The following SYT1 variants were observed in gnomAD, a reference collection of about 807,000 sequenced individuals.
SYT1 encodes synaptotagmin-1.
In SYT1, 8 loss-of-function variants were observed where a neutral mutation model predicts 44.8. That is an observed-to-expected ratio of 0.18 (90% CI 0.10 to 0.32). The LOEUF (loss-of-function observed/expected upper bound fraction) is 0.32. Ranked by LOEUF, SYT1 falls within the 10% of genes least tolerant of loss-of-function variation. The pLI is 1.00. For synonymous variants in SYT1, 154 were observed against 188.8 expected, an observed-to-expected ratio of 0.82 and a Z score of 1.51; for missense variants, 286 against 509.3, an observed-to-expected ratio of 0.56 and a Z score of 4.22.
chr12:79,195,983 T>C (rs1369149923), intron 3 of SYT1, among the ~76,000 whole-genome samples: 1 of 152,210 alleles, frequency 6.6e-6, no homozygotes, highest in Non-Finnish European at 1.5e-5. Flanking sequence ...AAATTCTCTT[T>C]ATTTCTTCAT....
In SYT1 at chr12:78,911,969, A is replaced by G. The variant is rs73349554; in HGVS notation, c.-217+46860A>G. Among the ~76,000 whole-genome samples the G allele has an allele frequency of 3.2e-3, 493 of 152,150 alleles. 3 individuals are homozygous for G. Among genetic ancestry groups the G allele is most frequent in the African/African-American group, 0.011 (476 of 41,552 alleles). On this transcript the variant is annotated intron_variant, in intron 1 of 10. Coordinates refer to ENST00000261205, the MANE Select transcript of SYT1 (RefSeq NM_005639.3). Reference sequence around the variant, plus strand: ...TATTAATAGAATCATAAAGTCTTCTACAAGGCTCAAAGTCCAACATAATTG... The same window carrying G: ...TATTAATAGAATCATAAAGTCTTCTGCAAGGCTCAAAGTCCAACATAATTG...
intron 2 of SYT1, among the ~76,000 whole-genome samples, chr12:79,041,998 T>G (rs1873618124): frequency 6.6e-6 from 1 of 151,984 alleles, no homozygotes; most frequent in Admixed American, 6.5e-5. Context: ...GTGGATAAGC[T>G]TTTTGATGTG....
intron 9 of SYT1, among the ~76,000 whole-genome samples, chr12:79,418,772 C>G (rs536948982): frequency 6.6e-6 from 1 of 152,116 alleles, no homozygotes; most frequent in Non-Finnish European, 1.5e-5. Context: ...CTCTTCCAAC[C>G]GTGGTAACCA....
intron 1 of SYT1, among the ~76,000 whole-genome samples, chr12:78,946,414 G>T (rs993166402): frequency 1.3e-5 from 2 of 152,154 alleles, no homozygotes; most frequent in East Asian, 1.9e-4. Context: ...CAGCACTTTG[G>T]GATGCCTAGG....
chr12:79,304,295 C>T lies in SYT1; in HGVS notation c.810+4744C>T, dbSNP rs144713744. Among the ~76,000 whole-genome samples the T allele has an allele frequency of 4.4e-3, 666 of 152,126 alleles. 4 individuals carry two copies. The highest frequency in any genetic ancestry group is 0.015 in the African/African-American group (604 of 41,504). On this transcript the variant is annotated intron_variant, in intron 8 of 10. Transcript: ENST00000261205. ...GTGTCCAAACGCCCTTTTTAAAGTC[C>T]GTGTTAATAGTCATTGTGTTCATAT...
chr12:79,351,444 G>C (rs994321951), intron 8 of SYT1, among the ~76,000 whole-genome samples: 5 of 151,514 alleles, frequency 3.3e-5, no homozygotes, highest in Admixed American at 3.3e-4. Flanking sequence ...AGTCATGTCT[G>C]AAATTCCTAA....
At chr12:79,093,159 C>A (rs1877893912) in intron 3 of SYT1, among the ~76,000 whole-genome samples, 1 of 151,604 alleles carries the variant, frequency 6.6e-6, no homozygotes, top group South Asian at 2.1e-4. Flanking sequence ...ATAGGCCTAA[C>A]TTGTTTAATA....
rs371293019 is a variant in SYT1, at chr12:78,955,907, A to G, written c.-216-21892A>G. Among the ~76,000 whole-genome samples, 12 of 150,664 alleles carry G rather than the reference A, an allele frequency of 8.0e-5. No homozygotes were observed. In the East Asian group the frequency reaches 9.8e-4, roughly 12 times the overall value. Reference sequence around the variant, plus strand: ...TGCACTATCAATTGCATTTTCCCCTATCTTTTGAAATTTCAAGTTCAAACT... The same window carrying G: ...TGCACTATCAATTGCATTTTCCCCTGTCTTTTGAAATTTCAAGTTCAAACT... On this transcript the variant is annotated intron_variant, in intron 1 of 10. Coordinates refer to ENST00000261205, the MANE Select transcript of SYT1 (RefSeq NM_005639.3).
At chr12:79,041,059 A>T (rs1352093624) in intron 2 of SYT1, among the ~76,000 whole-genome samples, 2 of 152,134 alleles carry the variant, frequency 1.3e-5, no homozygotes, top group African/African-American at 4.8e-5. Flanking sequence ...AGGTAGTGTG[A>T]TGCCTCCAGC....
At chr12:79,112,747 A>T (rs1879083779) in intron 3 of SYT1, among the ~76,000 whole-genome samples, 1 of 152,128 alleles carries the variant, frequency 6.6e-6, no homozygotes, top group Non-Finnish European at 1.5e-5. Flanking sequence ...TTTTATACTA[A>T]ACAAAATGCT....
At chr12:79,392,779 C>A (rs1311206915) in intron 9 of SYT1, 2 of 142,510 alleles carry the variant, frequency 1.4e-5, no homozygotes, top group African/African-American at 2.5e-5. Flanking sequence ...TTCTGAAGCA[C>A]AACTCTTTAT....
intron 8 of SYT1, among the ~76,000 whole-genome samples, chr12:79,344,589 G>T (rs570722022): frequency 7.9e-5 from 12 of 152,036 alleles, no homozygotes; most frequent in African/African-American, 2.9e-4. Flanking sequence ...AGTAGCTGGG[G>T]CTATAGGCAC....
At chr12:78,962,668 A>T (rs1304641746) in intron 1 of SYT1, among the ~76,000 whole-genome samples, 2 of 152,102 alleles carry the variant, frequency 1.3e-5, no homozygotes, top group African/African-American at 4.8e-5. Context: ...CATTTAAATT[A>T]TGTTTTAATA....
intron 1 of SYT1, among the ~76,000 whole-genome samples, chr12:78,955,741 TTTTTGCCC>T (rs1879176197): frequency 6.6e-6 from 1 of 151,874 alleles, no homozygotes; most frequent in Non-Finnish European, 1.5e-5. Flanking sequence ...GAAACTTTTT[TTTTTGCCC>T]TTAACCTAAC....
At chr12:79,051,516 G>C (rs1006614822) in intron 3 of SYT1, among the ~76,000 whole-genome samples, 51 of 151,240 alleles carry the variant, frequency 3.4e-4, no homozygotes, top group Admixed American at 1.5e-3. Context: ...TGCACATTAA[G>C]TTTTCATGTG....
chr12:78,905,149 C>T (rs529610423), intron 1 of SYT1, among the ~76,000 whole-genome samples: 1 of 152,218 alleles, frequency 6.6e-6, no homozygotes, highest in African/African-American at 2.4e-5. Flanking sequence ...GAAATGTCTT[C>T]CTGTTTTCTG....
chr12:79,114,119 G>A (rs1879156141), intron 3 of SYT1, among the ~76,000 whole-genome samples: 2 of 152,106 alleles, frequency 1.3e-5, no homozygotes, highest in Admixed American at 1.3e-4. Flanking sequence ...AAATACCTTG[G>A]GTTGTGGGAA....
At chr12:79,247,208 G>T (rs1876902458) in intron 4 of SYT1, among the ~76,000 whole-genome samples, 1 of 152,050 alleles carries the variant, frequency 6.6e-6, no homozygotes, top group South Asian at 2.1e-4. Context: ...TTTAGGGAGG[G>T]TATTCAAAAG....
chr12:79,339,286 A>G (rs1184345629), intron 8 of SYT1, among the ~76,000 whole-genome samples: 3 of 152,208 alleles, frequency 2.0e-5, no homozygotes, highest in Admixed American at 1.3e-4. Flanking sequence ...ACTCCCACCA[A>G]CAGTGTAAAA....
Sources: allele counts gnomAD v4.1 joint callset (sites outside exome capture counted in the v4.1 genomes callset), GRCh38; gene constraint gnomAD v4.1.1; transcripts MANE v1.5; gene names NCBI Gene and HGNC (gene_info 2026-07-23, HGNC 2026-07-21).